CCDC141: variants seen among roughly 807,000 people sequenced by gnomAD.
CCDC141 encodes the protein coiled-coil domain containing 141, also known as coiled-coil domain-containing protein 141.
Under a neutral mutation model 181.0 loss-of-function variants are expected in CCDC141, and 168 were observed. The ratio of observed to expected loss-of-function variants is 0.93; its 90% CI spans 0.82 to 1.05. The LOEUF (loss-of-function observed/expected upper bound fraction) is 1.05, where lower values mean the gene tolerates loss of function less well. Ranked by LOEUF, CCDC141 falls within the 50% of genes least tolerant of loss-of-function variation. The pLI is 0.00. For missense variants in CCDC141, 1,902 were observed against 1,788.5 expected, an observed-to-expected ratio of 1.06 and a Z score of -1.14; for synonymous variants, 666 against 642.3, an observed-to-expected ratio of 1.04 and a Z score of -0.56.
At chr2:178,913,535 GA>G (rs1056951199) in intron 7 of CCDC141, among the ~76,000 whole-genome samples, 4 of 151,666 alleles carry the variant, frequency 2.6e-5, no homozygotes, top group African/African-American at 9.7e-5. Flanking sequence ...ATATATAAAT[GA>G]AAAAAGTATA....
At chr2:178,854,642 G>C (rs1358235914) in intron 19 of CCDC141, among the ~76,000 whole-genome samples, 2 of 152,190 alleles carry the variant, frequency 1.3e-5, no homozygotes, top group South Asian at 2.1e-4. Flanking sequence ...TTTTAAATAA[G>C]TGCCACAAAG....
chr2:178,883,294 G>T (rs1686714273), intron 11 of CCDC141, among the ~76,000 whole-genome samples: 1 of 152,086 alleles, frequency 6.6e-6, no homozygotes, highest in Non-Finnish European at 1.5e-5. Flanking sequence ...GAACTAAAAA[G>T]AACACAAAGG....
At chr2:178,821,403 T>A in the CCDC141 span, among the ~76,000 whole-genome samples, 1 of 152,314 alleles carries the variant, frequency 6.6e-6, no homozygotes, top group South Asian at 2.1e-4. Flanking sequence ...TTGACTGTTC[T>A]CTTGATCATT....
chr2:178,934,496 A>G (rs1689211495), intron 6 of CCDC141, among the ~76,000 whole-genome samples: 1 of 152,178 alleles, frequency 6.6e-6, no homozygotes, highest in Non-Finnish European at 1.5e-5. Flanking sequence ...TCTCTTATAT[A>G]TGCAAAAGAA....
rs1394343197 is a variant in CCDC141 at position 178,990,223 on chromosome 2, G to C, written c.226-11548C>G. ...GAGAAAATTGGAATCCATGTACATA[G>C]CTGATGATAATATAAAATGGTACAG... is the stretch of plus-strand genomic sequence containing the variant. On this transcript the variant is annotated intron_variant, in intron 2 of 23. Transcript: ENST00000443758. Among the ~76,000 whole-genome samples, 4 of 149,626 alleles carry C rather than the reference G, an allele frequency of 2.7e-5. No individual in the cohort carries two copies. The East Asian group carries it at 7.8e-4, about 29-fold the overall frequency.
intron 8 of CCDC141, among the ~76,000 whole-genome samples, chr2:178,891,904 A>G (rs370636202): frequency 2.0e-5 from 3 of 151,930 alleles, no homozygotes; most frequent in Non-Finnish European, 4.4e-5. Context: ...ATGGTGTCCT[A>G]TTTATTCTTA....
intron 2 of CCDC141, among the ~76,000 whole-genome samples, chr2:179,008,553 A>C (rs1478619919): frequency 2.0e-5 from 3 of 152,126 alleles, no homozygotes; most frequent in Non-Finnish European, 4.4e-5. Context: ...GAAAATACAG[A>C]TCCCCAGGTC....
At chr2:178,969,163 T>C (rs1277157210) in intron 4 of CCDC141, among the ~76,000 whole-genome samples, 1 of 144,226 alleles carries the variant, frequency 6.9e-6, no homozygotes, top group Non-Finnish European at 1.5e-5. Flanking sequence ...AGCTGAATTC[T>C]ACCAGAGGTA....
intron 10 of CCDC141, among the ~76,000 whole-genome samples, 152 bp from the exon 11 acceptor site, chr2:178,885,244 TAAA>T (rs3045637): frequency 7.3e-6 from 1 of 137,146 alleles, no homozygotes. Flanking sequence ...TCCAAAATTC[TAAA>T]AAAAAAAAAA....
chr2:179,039,456 A>G (rs2043234511), intron 2 of CCDC141, among the ~76,000 whole-genome samples: 1 of 152,188 alleles, frequency 6.6e-6, no homozygotes, highest in Non-Finnish European at 1.5e-5. Flanking sequence ...AGCAGCATGT[A>G]CTTCCATATA....
At chr2:178,991,883 C>T (rs1692072470) in intron 2 of CCDC141, among the ~76,000 whole-genome samples, 1 of 151,658 alleles carries the variant, frequency 6.6e-6, no homozygotes, top group Non-Finnish European at 1.5e-5. Context: ...ATGCATATAG[C>T]AAGTTTTGGA....
rs577978973 is a variant in CCDC141 at position 178,869,859 on chromosome 2, T to G, written c.2206-554A>C. On this transcript the variant is annotated intron_variant, in intron 14 of 23. Transcript: ENST00000443758. Reference sequence around the variant, plus strand: ...CCATCACATGTAGGGAGGGATAAACTGCCTTGCCTTTCACCCAGCATTGCT... The same window carrying G: ...CCATCACATGTAGGGAGGGATAAACGGCCTTGCCTTTCACCCAGCATTGCT... Among the ~76,000 whole-genome samples, 302 of 152,294 alleles carry G rather than the reference T, an allele frequency of 2.0e-3. 1 individual carries two copies. Among genetic ancestry groups the G allele is most frequent in the African/African-American group, 6.8e-3 (283 of 41,576 alleles).
chr2:178,865,932 G>C lies in CCDC141; in HGVS notation c.2575-16C>G. ...TAGAGCAGTGCTAAAAGAGACAAAT[G>C]GTGGTAACAGAGAGAAAGGACGAAA... On this transcript the variant is annotated splice_polypyrimidine_tract_variant and intron_variant, in intron 16 of 23. Coordinates refer to ENST00000443758, the MANE Select transcript of CCDC141 (RefSeq NM_173648.4). The C allele has an allele frequency of 6.8e-7, 1 of 1,475,746 alleles. No individual in the cohort carries two copies. Among genetic ancestry groups the C allele is most frequent in the East Asian group, 2.5e-5 (1 of 39,598 alleles). The allele number at this position is 1,475,746 out of a possible 1,614,324, so 91.4% of individuals were successfully genotyped here.
chr2:178,928,410 G>T (rs976366983), intron 6 of CCDC141, among the ~76,000 whole-genome samples: 5 of 152,102 alleles, frequency 3.3e-5, no homozygotes, highest in Non-Finnish European at 5.9e-5. Context: ...ACTGTGTTAA[G>T]GTATAAGAAG....
At chr2:178,970,765 C>A (rs550521143) in intron 4 of CCDC141, among the ~76,000 whole-genome samples, 1 of 152,312 alleles carries the variant, frequency 6.6e-6, no homozygotes, top group South Asian at 2.1e-4. Flanking sequence ...CCAAAATACA[C>A]AAATGGGATC....
chr2:178,902,107 T>A (rs35712193), intron 8 of CCDC141, among the ~76,000 whole-genome samples: 2 of 151,410 alleles, frequency 1.3e-5, no homozygotes, highest in African/African-American at 4.9e-5. Flanking sequence ...AATAAAAGAG[T>A]ATACAAACAA....
At chr2:178,926,865 T>C (rs1042136752) in intron 6 of CCDC141, among the ~76,000 whole-genome samples, 1 of 152,216 alleles carries the variant, frequency 6.6e-6, no homozygotes, top group Non-Finnish European at 1.5e-5. Context: ...TACATACATA[T>C]GTTATATGCA....
chr2:178,984,221 CATAAGTGAAGGAGA>C (rs966821554), intron 2 of CCDC141, among the ~76,000 whole-genome samples: 18 of 149,622 alleles, frequency 1.2e-4, no homozygotes, highest in Non-Finnish European at 2.4e-4. Context: ...AACTAAGCTT[CATAAGTGAAGGAGA>C]AATAATATAC....
chr2:178,976,656 G>A (rs1559020574), intron 3 of CCDC141, among the ~76,000 whole-genome samples: 1 of 152,114 alleles, frequency 6.6e-6, no homozygotes, highest in Non-Finnish European at 1.5e-5. Flanking sequence ...ATAATGATCA[G>A]CCATGCAATT....
Sources: allele counts gnomAD v4.1 joint callset (sites outside exome capture counted in the v4.1 genomes callset), GRCh38; gene constraint gnomAD v4.1.1; transcripts MANE v1.5; gene names NCBI Gene and HGNC (gene_info 2026-07-23, HGNC 2026-07-21).